Variants in SLC48A1 observed in about 807,000 individuals in gnomAD.
SLC48A1 encodes the protein solute carrier family 48 member 1.
SLC48A1 carries 6 observed loss-of-function variants against 14.8 expected under a neutral mutation model. The ratio of observed to expected loss-of-function variants is 0.41; its 90% CI spans 0.22 to 0.80. SLC48A1 has a LOEUF of 0.80. Ranked by LOEUF, SLC48A1 falls within the 30% of genes least tolerant of loss-of-function variation. The probability of loss-of-function intolerance (pLI) is 0.34; values close to 1 mark genes in which losing one functional copy is unlikely to be tolerated. For missense variants in SLC48A1, 165 were observed against 204.8 expected, an observed-to-expected ratio of 0.81 and a Z score of 1.19; for synonymous variants, 89 against 90.0, an observed-to-expected ratio of 0.99 and a Z score of 0.06.
rs1321599440 is a variant in SLC48A1, at chr12:47,764,874, C to T, written c.-187+4473C>T. Among the ~76,000 whole-genome samples, 2 of 151,912 alleles carry T rather than the reference C, an allele frequency of 1.3e-5. 1 individual carries two copies. The highest frequency in any genetic ancestry group is 1.3e-4 in the Admixed American group (2 of 15,264). Reference sequence around the variant, plus strand: ...CGGGTGGATCACGAGGTCAAGAGATCGAGACCATCCTGGCCAACATGGTGA... The same window carrying T: ...CGGGTGGATCACGAGGTCAAGAGATTGAGACCATCCTGGCCAACATGGTGA... On this transcript the variant is annotated intron_variant, in intron 2 of 4. Transcript: ENST00000547002.
chr12:47,776,482 G>A (rs936985930), intron 1 of SLC48A1, among the ~76,000 whole-genome samples: 2 of 116,106 alleles, frequency 1.7e-5, no homozygotes, highest in Non-Finnish European at 4.4e-5. Context: ...GGACCAGTGA[G>A]GGGCTCCATC....
rs1302634353 is a variant in SLC48A1, at chr12:47,780,507, G to T, written c.*226G>T. The stretch of plus-strand genomic sequence containing the variant: ...TGCCATGTTGCTCCTCATCAGCCTG[G>T]CCAGAGGGCAGCTTTAGACCTTTTC... On this transcript the variant is annotated 3_prime_UTR_variant, in exon 3 of 3. Coordinates refer to ENST00000442218, the MANE Select transcript of SLC48A1 (RefSeq NM_017842.3). The T allele has an allele frequency of 5.1e-6, 4 of 780,184 alleles. No homozygotes were observed. Among genetic ancestry groups the T allele is most frequent in the Non-Finnish European group, 9.5e-6 (4 of 420,504 alleles). The allele number at this position is 780,184 out of a possible 1,614,324, so 48.3% of individuals were successfully genotyped here. A position where few individuals can be genotyped will look rare whatever the true frequency, so the allele number is the denominator to read the frequency against.
chr12:47,779,523 C>T (rs1396997832), intron 2 of SLC48A1, among the ~76,000 whole-genome samples: 6 of 152,162 alleles, frequency 3.9e-5, no homozygotes, highest in African/African-American at 1.4e-4. Context: ...GTCCTTCTTC[C>T]GGGAGTCTGA....
intron 1 of SLC48A1, among the ~76,000 whole-genome samples, chr12:47,776,828 C>G (rs980930193): frequency 6.6e-6 from 1 of 152,222 alleles, no homozygotes; most frequent in African/African-American, 2.4e-5. Flanking sequence ...GGCATCTTCA[C>G]AGGCCCCTAT....
chr12:47,762,630 A>G (rs1462893737), intron 2 of SLC48A1, among the ~76,000 whole-genome samples: 1 of 152,192 alleles, frequency 6.6e-6, no homozygotes, highest in Non-Finnish European at 1.5e-5. Flanking sequence ...ACATCTTTTT[A>G]TCCTCAGAAC....
chr12:47,779,070 T>C lies in SLC48A1; in HGVS notation c.179T>C (p.Met60Thr), dbSNP rs1387929320. Residue 60 changes from methionine (M) to threonine (T), a missense_variant, in exon 2 of 3, where the codon ATG (methionine) becomes ACG (threonine). Physicochemically the swap from Met to Thr is moderately conservative, Grantham distance 81. Coordinates refer to ENST00000442218, the MANE Select transcript of SLC48A1 (RefSeq NM_017842.3). ...GTCCTGGTGACGCACGTGATGTACATGCAAGATTATTGGAGGACCTGGCTC... is the reference window on the plus strand; with the variant it reads ...GTCCTGGTGACGCACGTGATGTACACGCAAGATTATTGGAGGACCTGGCTC... The part of the protein sequence containing the change: ...LWVLVTHVMY[M>T]QDYWRTWLKG... 3.2e-6 allele frequency: 5 copies of C among 1,551,786 alleles called. No individual in the cohort carries two copies. Among genetic ancestry groups the C allele is most frequent in the East Asian group, 2.4e-5 (1 of 40,920 alleles).
At chr12:47,754,036 C>A (rs139304099), upstream of SLC48A1, 1 of 152,226 alleles carries the variant, frequency 6.6e-6, no homozygotes, top group Non-Finnish European at 1.5e-5. Context: ...AGGTAAGATT[C>A]TACTGAATAA....
intron 2 of SLC48A1, among the ~76,000 whole-genome samples, chr12:47,763,309 G>C (rs1942429084): frequency 2.0e-5 from 3 of 152,342 alleles, no homozygotes; most frequent in African/African-American, 7.2e-5. Context: ...GGGATGGAGA[G>C]AGGGAGGATG....
intron 2 of SLC48A1, among the ~76,000 whole-genome samples, chr12:47,761,470 C>T (rs1942379282): frequency 6.6e-6 from 1 of 152,184 alleles, no homozygotes; most frequent in Non-Finnish European, 1.5e-5. Flanking sequence ...TTATGTGTCC[C>T]ATTTCTAGCT....
chr12:47,754,148 C>T (rs1026105924), upstream of SLC48A1: 3 of 152,238 alleles, frequency 2.0e-5, no homozygotes, highest in East Asian at 5.8e-4. Context: ...AACTGTTGGT[C>T]AATAAGGGCA....
At chr12:47,769,245 G>A (rs565244555), upstream of SLC48A1, 1 of 152,378 alleles carries the variant, frequency 6.6e-6, no homozygotes, top group Non-Finnish European at 1.5e-5. Context: ...ACACACAAAT[G>A]TTGGTGTGTG....
chr12:47,773,606 C>T (rs1463027692), intron 1 of SLC48A1, among the ~76,000 whole-genome samples, 166 bp downstream of exon 1: 1 of 151,222 alleles, frequency 6.6e-6, no homozygotes, highest in Non-Finnish European at 1.5e-5. Context: ...GCCCGGGCTC[C>T]TGGGCATTCC....
At chr12:47,763,279 G>A (rs1057190205) in intron 2 of SLC48A1, among the ~76,000 whole-genome samples, 5 of 152,212 alleles carry the variant, frequency 3.3e-5, no homozygotes, top group Non-Finnish European at 7.3e-5. Context: ...GCTCAGCCGT[G>A]ACATTTGAGG....
chr12:47,780,724 GC>G lies in SLC48A1; in HGVS notation c.*446del, dbSNP rs1411843867. 2 of 394,720 alleles carry G rather than the reference GC, an allele frequency of 5.1e-6. No homozygotes were observed. Among genetic ancestry groups the G allele is most frequent in the Admixed American group, 3.0e-5 (1 of 33,482 alleles). The allele number at this position is 394,720 out of a possible 1,614,324, so 24.5% of individuals were successfully genotyped here. ...TGGGATTACAGGCATCTGCCACCAT[GC>G]CCGGCAAATTTTTGTGTTTTTAGTA... On this transcript the variant is annotated 3_prime_UTR_variant, in exon 3 of 3. Transcript: ENST00000442218.
At chr12:47,758,025 G>C (rs528361073), upstream of SLC48A1, 1 of 1,576,640 alleles carries the variant, frequency 6.3e-7, no homozygotes, top group South Asian at 1.2e-5. Context: ...CCAGAGCTGG[G>C]CTATCCTCCA....
chr12:47,772,458 GC>G (rs1248734155), upstream of SLC48A1: 1 of 152,564 alleles, frequency 6.6e-6, no homozygotes, highest in Non-Finnish European at 1.5e-5. Flanking sequence ...ACAGCTTGAG[GC>G]CAGGAGTTGG....
chr12:47,772,099 G>T (rs1942639868), upstream of SLC48A1: 1 of 154,776 alleles, frequency 6.5e-6, no homozygotes, highest in Non-Finnish European at 1.5e-5. Context: ...CAGTAAATTT[G>T]TGGTAATTTG....
chr12:47,768,256 C>T (rs979774304), upstream of SLC48A1, among the ~76,000 whole-genome samples: 1 of 152,186 alleles, frequency 6.6e-6, no homozygotes, highest in Admixed American at 6.5e-5. Context: ...GGATTACAGC[C>T]GTGAACCACT....
chr12:47,774,507 G>A (rs867770629), intron 1 of SLC48A1, among the ~76,000 whole-genome samples: 19 of 152,126 alleles, frequency 1.2e-4, no homozygotes, highest in African/African-American at 3.6e-4. Flanking sequence ...AAGAAAATAC[G>A]TATAATACTT....
Sources: allele counts gnomAD v4.1 joint callset (sites outside exome capture counted in the v4.1 genomes callset), GRCh38; gene constraint gnomAD v4.1.1; transcripts MANE v1.5; gene names NCBI Gene and HGNC (gene_info 2026-07-23, HGNC 2026-07-21).